Variants in ATP6V1C1 observed in about 807,000 individuals in gnomAD.
ATP6V1C1 encodes V-type proton ATPase subunit C 1.
ATP6V1C1 carries 45 observed loss-of-function variants against 53.9 expected under a neutral mutation model. The ratio of observed to expected loss-of-function variants is 0.83; its 90% CI spans 0.66 to 1.07. ATP6V1C1 has a LOEUF of 1.07. ATP6V1C1 is among the 50% of genes least tolerant of loss of function. ATP6V1C1 has a pLI of 0.00. For missense variants in ATP6V1C1, 315 were observed against 440.3 expected, an observed-to-expected ratio of 0.72 and a Z score of 2.55; for synonymous variants, 153 against 155.2, an observed-to-expected ratio of 0.99 and a Z score of 0.11.
At chr8:103,048,770 C>A in intron 3 of ATP6V1C1, 100 bp from the exon 4 acceptor site, 1 of 969,824 alleles carries the variant, frequency 1.0e-6, no homozygotes, top group Non-Finnish European at 1.6e-6. Context: ...ATAATGGGAA[C>A]ATATAGTCAA....
At chr8:103,067,292 G>A (rs920038476) in intron 12 of ATP6V1C1, among the ~76,000 whole-genome samples, 2 of 151,338 alleles carry the variant, frequency 1.3e-5, no homozygotes, top group African/African-American at 2.4e-5. Context: ...CCAGCTACTC[G>A]GGAGCCTGAG....
chr8:103,031,112 T>G (rs1816789940), intron 1 of ATP6V1C1, among the ~76,000 whole-genome samples: 1 of 152,206 alleles, frequency 6.6e-6, no homozygotes, highest in African/African-American at 2.4e-5. Context: ...TGCAGCATTT[T>G]TACAAATATG....
At chr8:103,035,569 G>A (rs1215541937) in intron 1 of ATP6V1C1, among the ~76,000 whole-genome samples, 7 of 152,118 alleles carry the variant, frequency 4.6e-5, no homozygotes, top group African/African-American at 1.4e-4. Flanking sequence ...TCTGGGATAC[G>A]GGGGAGAGTC....
intron 12 of ATP6V1C1, among the ~76,000 whole-genome samples, chr8:103,067,118 G>A (rs535456878): frequency 3.6e-4 from 55 of 151,782 alleles, no homozygotes; most frequent in African/African-American, 1.2e-3. Context: ...GTAGTGGGCC[G>A]CTGGGCGTGG....
chr8:103,048,348 C>A (rs549417332), intron 3 of ATP6V1C1, among the ~76,000 whole-genome samples: 1 of 152,220 alleles, frequency 6.6e-6, no homozygotes, highest in Non-Finnish European at 1.5e-5. Flanking sequence ...AGCATAGCTC[C>A]TTGTAAATAG....
At chr8:103,025,927 T>C (rs924211) in intron 1 of ATP6V1C1, among the ~76,000 whole-genome samples, 6,916 of 152,298 alleles carry the variant, frequency 0.045, 187 homozygotes, top group Middle Eastern at 0.065. Flanking sequence ...ATTGGAGATA[T>C]CAGCACCTTC....
At chr8:103,061,161 A>G (rs1435359935) in intron 8 of ATP6V1C1, among the ~76,000 whole-genome samples, 1 of 152,192 alleles carries the variant, frequency 6.6e-6, no homozygotes, top group Non-Finnish European at 1.5e-5. Flanking sequence ...GGACACCAGG[A>G]GCAAGAATTA....
rs1336663258 is a variant in ATP6V1C1 at position 103,052,806 on chromosome 8, T to C, written c.457T>C (p.Leu153=). Residue 153 remains leucine, a synonymous_variant, in exon 6 of 13, where the codon TTG becomes CTG. Transcript: ENST00000518738. ...YNNLKGNLQN[L]ERKNAGSLLT... is the part of the protein sequence containing the mutation. ...TAACCTGAAAGGAAATCTTCAGAAT[T>C]TGGAACGAAAGAATGCGTAAGCAGA... 1 of 1,596,082 alleles carries C rather than the reference T, an allele frequency of 6.3e-7. No individual in the cohort carries two copies. The highest frequency in any genetic ancestry group is 8.5e-7 in the Non-Finnish European group (1 of 1,172,034).
chr8:103,059,725 G>A (rs907080816), intron 8 of ATP6V1C1, among the ~76,000 whole-genome samples: 2 of 151,668 alleles, frequency 1.3e-5, no homozygotes, highest in Non-Finnish European at 2.9e-5. Flanking sequence ...TCCCTTGCCT[G>A]GACCATGGTA....
intron 3 of ATP6V1C1, among the ~76,000 whole-genome samples, chr8:103,046,912 A>G (rs1030657338): frequency 6.6e-6 from 1 of 152,204 alleles, no homozygotes. Flanking sequence ...GTTATGCAAC[A>G]TTACGTTTAT....
At position 103,066,365 on chromosome 8, in the gene ATP6V1C1, A is replaced by C; in HGVS notation, c.971A>C (p.Asn324Thr). 1 of 1,613,628 alleles carries C rather than the reference A, an allele frequency of 6.2e-7. No individual in the cohort carries two copies. The highest frequency in any genetic ancestry group is 1.1e-5 in the South Asian group (1 of 90,944). The change falls in exon 12 of 13, where the codon AAT becomes ACT. Residue 324 changes from asparagine (N) to threonine (T), a missense_variant. Coordinates refer to ENST00000518738, the MANE Select transcript of ATP6V1C1 (RefSeq NM_001695.5). Reference protein sequence around the residue: ...VNFQAMLLQPNKKTLKKLREV... With the variant: ...VNFQAMLLQPTKKTLKKLREV... The stretch of plus-strand genomic sequence containing the variant: ...TTCCAAGCAATGCTACTTCAGCCCA[A>C]TAAGAAAACTTTGAAGAAACTGAGA...
At position 103,053,888 on chromosome 8, in the gene ATP6V1C1, A is replaced by G. The variant is rs1200949994; in HGVS notation, c.478A>G (p.Ser160Gly). The change falls in exon 7 of 13, where the codon AGT becomes GGT. Residue 160 changes from serine (S) to glycine (G), a missense_variant. By Grantham distance (56) the Ser-to-Gly change is moderately conservative. Coordinates refer to ENST00000518738, the MANE Select transcript of ATP6V1C1 (RefSeq NM_001695.5). ...TGATTTGTTTTAATTCCTCAGAGGAAGTTTGCTAACTAGAAGTCTAGCAGA... is the reference window on the plus strand; with the variant it reads ...TGATTTGTTTTAATTCCTCAGAGGAGGTTTGCTAACTAGAAGTCTAGCAGA... ...LQNLERKNAGSLLTRSLAEIV... is the reference protein window; with the variant it reads ...LQNLERKNAGGLLTRSLAEIV... The G allele has an allele frequency of 6.2e-7, 1 of 1,609,660 alleles. No individual in the cohort carries two copies. Among genetic ancestry groups the G allele is most frequent in the East Asian group, 2.2e-5 (1 of 44,714 alleles).
rs1264443277 is a variant in ATP6V1C1, at chr8:103,052,654, T to G, written c.382-77T>G. The G allele has an allele frequency of 5.5e-6, 4 of 726,884 alleles. No homozygotes were observed. In the Admixed American group the frequency reaches 1.2e-4, roughly 23 times the overall value. The allele number at this position is 726,884 out of a possible 1,614,324, so 45.0% of individuals were successfully genotyped here. A position where few individuals can be genotyped will look rare whatever the true frequency, so the allele number is the denominator to read the frequency against. On this transcript the variant is annotated intron_variant, in intron 5 of 12. Coordinates refer to ENST00000518738, the MANE Select transcript of ATP6V1C1 (RefSeq NM_001695.5). ...GTGGGTTTTTTTGTAGAAGTTAAAGTTTAGCTACTTTGATAGTATTAGTAG... is the reference window on the plus strand; with the variant it reads ...GTGGGTTTTTTTGTAGAAGTTAAAGGTTAGCTACTTTGATAGTATTAGTAG...
chr8:103,068,656 C>G lies in ATP6V1C1; in HGVS notation c.1058C>G (p.Pro353Arg). 3.1e-6 allele frequency: 5 copies of G among 1,601,688 alleles called. No individual in the cohort carries two copies. The highest frequency in any genetic ancestry group is 4.3e-6 in the Non-Finnish European group (5 of 1,173,568). The change falls in exon 13 of 13, where the codon CCT (proline) becomes CGT (arginine). Residue 353 changes from proline (P) to arginine (R), a missense_variant. Coordinates refer to ENST00000518738, the MANE Select transcript of ATP6V1C1 (RefSeq NM_001695.5). Reference protein sequence around the residue: ...DSSAAAIIDAPMDIPGLNLSQ... With the variant: ...DSSAAAIIDARMDIPGLNLSQ... ...AATTGTCTGTTTTTTCCATAGGCTC[C>G]TATGGATATTCCAGGTTTAAACCTG...
intron 8 of ATP6V1C1, among the ~76,000 whole-genome samples, chr8:103,058,491 A>G (rs892512332): frequency 6.6e-6 from 1 of 152,226 alleles, no homozygotes; most frequent in Non-Finnish European, 1.5e-5. Context: ...AAAGATCTCT[A>G]TGACCTGATG....
Position 103,072,432 on chromosome 8 carries a change from C to G in ATP6V1C1, c.*3685C>G, listed in dbSNP as rs975981610. The stretch of plus-strand genomic sequence containing the variant: ...AGCTTATAATGAAAACCTTGCCTGC[C>G]TTTATAAAAAATGTGATTATCTTCT... On this transcript the variant is annotated 3_prime_UTR_variant, in exon 13 of 13. Coordinates refer to ENST00000518738, the MANE Select transcript of ATP6V1C1 (RefSeq NM_001695.5). 1.3e-5 allele frequency: 2 copies of G among 152,126 alleles called. No individual in the cohort carries two copies. Among genetic ancestry groups the G allele is most frequent in the African/African-American group, 4.8e-5 (2 of 41,418 alleles). 9.4% of individuals were successfully genotyped at this position (152,126 alleles called of 1,614,324 possible).
At chr8:103,047,430 G>GCGCGCACACACACACACA (rs1491170438) in intron 3 of ATP6V1C1, among the ~76,000 whole-genome samples, 2 of 104,948 alleles carry the variant, frequency 1.9e-5, no homozygotes, top group African/African-American at 6.9e-5. Flanking sequence ...AAATGCGCGC[G>GCGCGCACACACACACACA]CACACACACA....
In ATP6V1C1 at chr8:103,066,389, G is replaced by T; in HGVS notation, c.995G>T (p.Arg332Ile). 1 of 1,613,432 alleles carries T rather than the reference G, an allele frequency of 6.2e-7. No individual in the cohort carries two copies. Among genetic ancestry groups the T allele is most frequent in the East Asian group, 2.2e-5 (1 of 44,820 alleles). Residue 332 changes from arginine (R) to isoleucine (I), a missense_variant, in exon 12 of 13, where the codon AGA becomes ATA. Transcript: ENST00000518738. The part of the protein sequence containing the change: ...QPNKKTLKKL[R>I]EVLHELYKHL... Reference sequence around the variant, plus strand: ...AATAAGAAAACTTTGAAGAAACTGAGAGAAGTATTACATGAATTGTATAAA... The same window carrying T: ...AATAAGAAAACTTTGAAGAAACTGATAGAAGTATTACATGAATTGTATAAA...
chr8:103,064,886 A>C, intron 11 of ATP6V1C1, 75 bp downstream of exon 11: 1 of 1,290,826 alleles, frequency 7.7e-7, no homozygotes, highest in Non-Finnish European at 1.1e-6. Context: ...TTATTATAAC[A>C]CAGTCCAGCA....
Sources: gnomAD v4.1 joint callset for allele counts (sites outside exome capture counted in the v4.1 genomes callset) on GRCh38, gnomAD v4.1.1 for gene constraint, MANE v1.5 for transcripts, NCBI Gene and HGNC (gene_info 2026-07-23, HGNC 2026-07-21) for gene names.